The following DIAPH3 variants were observed in gnomAD, a reference collection of about 807,000 sequenced individuals.
The protein encoded by DIAPH3 is protein diaphanous homolog 3.
Under a neutral mutation model 144.3 loss-of-function variants are expected in DIAPH3, and 117 were observed. That is an observed-to-expected ratio of 0.81 (90% CI 0.70 to 0.95). The LOEUF (loss-of-function observed/expected upper bound fraction) is 0.95, where lower values mean the gene tolerates loss of function less well. Among genes scored for constraint, DIAPH3 ranks in the 40% least tolerant of loss-of-function variants. The pLI is 0.00. For missense variants in DIAPH3, 1,421 were observed against 1,412.7 expected (o/e 1.01, Z -0.09); for synonymous variants, 519 against 488.9 (o/e 1.06, Z -0.81).
chr13:59,832,533 T>C (rs2041831241), intron 24 of DIAPH3, among the ~76,000 whole-genome samples: 1 of 151,822 alleles, frequency 6.6e-6, no homozygotes, highest in Admixed American at 6.6e-5. Context: ...CTTTAATATG[T>C]GTGTAGTTCT....
Position 60,040,438 on chromosome 13 carries a change from A to C in DIAPH3, c.626+2252T>G, listed in dbSNP as rs569323789. Among the ~76,000 whole-genome samples the C allele has an allele frequency of 2.2e-4, 34 of 152,218 alleles. 1 individual carries two copies. In the South Asian group the frequency reaches 3.3e-3, roughly 15 times the overall value. On this transcript the variant is annotated intron_variant, in intron 5 of 27. Coordinates refer to ENST00000400324, the MANE Select transcript of DIAPH3 (RefSeq NM_001042517.2). ...CACCAGTTTCTAGTTTTTCTTCTTT[A>C]AATAAGGTTCAAATGAACAAGACAC...
chr13:59,846,846 T>A (rs926434734), intron 22 of DIAPH3, among the ~76,000 whole-genome samples: 1 of 152,110 alleles, frequency 6.6e-6, no homozygotes, highest in African/African-American at 2.4e-5. Context: ...GAGGCTGAGG[T>A]GAGAGGATCA....
intron 1 of DIAPH3, among the ~76,000 whole-genome samples, chr13:60,140,669 T>C (rs1367088854): frequency 6.6e-6 from 1 of 152,164 alleles, no homozygotes; most frequent in African/African-American, 2.4e-5. Flanking sequence ...TTCATGTATT[T>C]TCCCAGTTGT....
At chr13:59,720,525 C>T (rs1447500488) in intron 27 of DIAPH3, among the ~76,000 whole-genome samples, 1 of 151,812 alleles carries the variant, frequency 6.6e-6, no homozygotes, top group Non-Finnish European at 1.5e-5. Flanking sequence ...TTCTGTAAAA[C>T]CGAGAATTTT....
At chr13:59,683,889 T>C (rs2033076005) in intron 27 of DIAPH3, among the ~76,000 whole-genome samples, 1 of 152,212 alleles carries the variant, frequency 6.6e-6, no homozygotes, top group South Asian at 2.1e-4. Flanking sequence ...ACAGTCAGTC[T>C]GAAAGTAGGT....
chr13:60,092,384 G>A lies in DIAPH3; in HGVS notation c.495+1244C>T, dbSNP rs144004902. Among the ~76,000 whole-genome samples the A allele has an allele frequency of 7.8e-3, 1,184 of 152,312 alleles. 14 individuals carry two copies. Among genetic ancestry groups the A allele is most frequent in the African/African-American group, 0.026 (1,096 of 41,574 alleles). On this transcript the variant is annotated intron_variant, in intron 4 of 27. Transcript: ENST00000400324. ...GAGCTAAAAAAAGGCCGGGCGCAGT[G>A]GCTCACGCCTGTAATCCCAGCACTT...
Position 60,008,592 on chromosome 13 carries a change from T to C in DIAPH3, c.966A>G (p.Arg322=), listed in dbSNP as rs374562488. The stretch of plus-strand genomic sequence containing the variant: ...GGAGGCCTTCCACAATACAAAAAAA[T>C]CTGTCAATTTTTTTTTCTTCACCAG... ...TSAGEEKKID[R]FFCIVEGLRH... The change falls in exon 9 of 28, where the codon AGA becomes AGG. Residue 322 remains arginine, a synonymous_variant. Coordinates refer to ENST00000400324, the MANE Select transcript of DIAPH3 (RefSeq NM_001042517.2). 1.9e-5 allele frequency: 31 copies of C among 1,613,610 alleles called. No homozygotes were observed. Among genetic ancestry groups the C allele is most frequent in the Non-Finnish European group, 2.4e-5 (28 of 1,179,870 alleles).
chr13:59,968,540 A>C (rs2050181111), intron 17 of DIAPH3, among the ~76,000 whole-genome samples: 1 of 152,180 alleles, frequency 6.6e-6, no homozygotes, highest in African/African-American at 2.4e-5. Context: ...TACTAGGGTG[A>C]GCTTGCTGAG....
At chr13:59,710,462 A>G (rs1259708256) in intron 27 of DIAPH3, among the ~76,000 whole-genome samples, 1 of 152,194 alleles carries the variant, frequency 6.6e-6, no homozygotes, top group Non-Finnish European at 1.5e-5. Flanking sequence ...ATATGGGAGT[A>G]GATTAGGGAT....
chr13:59,954,219 GT>G (rs1466630360), intron 17 of DIAPH3, among the ~76,000 whole-genome samples: 11 of 152,316 alleles, frequency 7.2e-5, no homozygotes, highest in African/African-American at 2.4e-4. Context: ...GACAGACAGA[GT>G]TTTAACTTTT....
chr13:60,050,575 A>AAGC (rs989955584), intron 4 of DIAPH3, among the ~76,000 whole-genome samples: 1 of 152,146 alleles, frequency 6.6e-6, no homozygotes, highest in Non-Finnish European at 1.5e-5. Context: ...AAGAAATCAG[A>AAGC]AGCAGCAGCA....
At position 59,905,913 on chromosome 13, in the gene DIAPH3, T is replaced by C. The variant is rs117629063; in HGVS notation, c.2367+5822A>G. Among the ~76,000 whole-genome samples the C allele has an allele frequency of 4.1e-3, 627 of 152,300 alleles. 5 individuals carry two copies. The highest frequency in any genetic ancestry group is 7.2e-3 in the Non-Finnish European group (493 of 68,016). ...CATTTTGGACTATTGATCTCCAGAATTGTAAGATCATAAACTTGTGTTGTT... is the reference window on the plus strand; with the variant it reads ...CATTTTGGACTATTGATCTCCAGAACTGTAAGATCATAAACTTGTGTTGTT... On this transcript the variant is annotated intron_variant, in intron 20 of 27. Coordinates refer to ENST00000400324, the MANE Select transcript of DIAPH3 (RefSeq NM_001042517.2).
chr13:60,004,055 TA>T (rs961651013), intron 9 of DIAPH3, among the ~76,000 whole-genome samples: 20 of 152,056 alleles, frequency 1.3e-4, no homozygotes, highest in South Asian at 2.1e-4. Flanking sequence ...TATTCTCCTT[TA>T]AAAAAAATAC....
At chr13:59,834,557 A>T (rs2041945405) in intron 23 of DIAPH3, among the ~76,000 whole-genome samples, 1 of 151,702 alleles carries the variant, frequency 6.6e-6, no homozygotes, top group African/African-American at 2.4e-5. Flanking sequence ...TCTTTGAGAA[A>T]AATAATGAAA....
At position 60,117,567 on chromosome 13, in the gene DIAPH3, T is replaced by TA. The variant is rs538588513; in HGVS notation, c.214-5382dup. Among the ~76,000 whole-genome samples the TA allele has an allele frequency of 5.9e-4, 90 of 152,210 alleles. No individual in the cohort carries two copies. The South Asian group carries it at 0.018, about 31-fold the overall frequency. On this transcript the variant is annotated intron_variant, in intron 2 of 27. Transcript: ENST00000400324. Reference sequence around the variant, plus strand: ...TAGATTCTACAAAATCTGGGCACTATAACAAAGCTAGGCACAAAGTGAGCT... The same window carrying TA: ...TAGATTCTACAAAATCTGGGCACTATAAACAAAGCTAGGCACAAAGTGAGCT...
chr13:59,718,641 CATTAAT>C (rs1305004395), intron 27 of DIAPH3, among the ~76,000 whole-genome samples: 1 of 151,958 alleles, frequency 6.6e-6, no homozygotes, highest in Non-Finnish European at 1.5e-5. Flanking sequence ...TATAAAGAAA[CATTAAT>C]ATTAACACAT....
intron 27 of DIAPH3, among the ~76,000 whole-genome samples, chr13:59,683,122 A>C (rs2033031041): frequency 6.6e-6 from 1 of 152,204 alleles, no homozygotes; most frequent in Non-Finnish European, 1.5e-5. Context: ...GGCAGAGAAT[A>C]AACAGACACA....
chr13:59,946,354 C>T (rs2048795720), intron 17 of DIAPH3, among the ~76,000 whole-genome samples: 1 of 151,938 alleles, frequency 6.6e-6, no homozygotes. Flanking sequence ...ATACAATGCA[C>T]CAAGTTCAAG....
At chr13:59,770,297 T>C (rs1321139500) in intron 27 of DIAPH3, among the ~76,000 whole-genome samples, 2 of 152,164 alleles carry the variant, frequency 1.3e-5, no homozygotes, top group Non-Finnish European at 2.9e-5. Context: ...CATTCAAGTA[T>C]AAACATAAAC....
Sources: allele counts gnomAD v4.1 joint callset (sites outside exome capture counted in the v4.1 genomes callset), GRCh38; gene constraint gnomAD v4.1.1; transcripts MANE v1.5; gene names NCBI Gene and HGNC (gene_info 2026-07-23, HGNC 2026-07-21).